Variants in GRID1 observed in about 807,000 individuals in gnomAD.
The protein encoded by GRID1 is glutamate ionotropic receptor delta type subunit 1.
GRID1 carries 28 observed loss-of-function variants against 98.0 expected under a neutral mutation model. The ratio of observed to expected loss-of-function variants is 0.29; its 90% CI spans 0.21 to 0.39. The LOEUF is 0.39. Ranked by LOEUF, GRID1 falls within the 10% of genes least tolerant of loss-of-function variation. The pLI, the probability that GRID1 is intolerant of heterozygous loss-of-function variation, is 1.00. For missense variants in GRID1, 1,111 were observed against 1,340.5 expected (o/e 0.83, Z 2.67); for synonymous variants, 553 against 538.5 (o/e 1.03, Z -0.37).
At chr10:86,106,095 C>T (rs920013983) in intron 4 of GRID1, among the ~76,000 whole-genome samples, 1 of 152,140 alleles carries the variant, frequency 6.6e-6, no homozygotes, top group African/African-American at 2.4e-5. Flanking sequence ...TGAGAGCTCC[C>T]CAAGTGTCTG....
chr10:85,716,807 G>A (rs73328632), intron 12 of GRID1, among the ~76,000 whole-genome samples: 4,153 of 151,056 alleles, frequency 0.027, 167 homozygotes, highest in African/African-American at 0.095. Flanking sequence ...ATTATGTTAC[G>A]TTAACTCAAA....
chr10:85,668,027 A>C (rs1221199464), intron 12 of GRID1, among the ~76,000 whole-genome samples: 1 of 152,204 alleles, frequency 6.6e-6, no homozygotes, highest in African/African-American at 2.4e-5. Context: ...CCTTTGTCAG[A>C]GGAAAATCCC....
intron 8 of GRID1, among the ~76,000 whole-genome samples, chr10:85,842,633 T>C (rs943378805): frequency 5.3e-5 from 8 of 152,054 alleles, no homozygotes; most frequent in Non-Finnish European, 1.0e-4. Context: ...ATTACACTCA[T>C]AAATTTGACA....
chr10:86,361,623 T>C (rs1848601880), intron 2 of GRID1, among the ~76,000 whole-genome samples: 1 of 152,222 alleles, frequency 6.6e-6, no homozygotes, highest in Non-Finnish European at 1.5e-5. Context: ...CAAAGTTGCT[T>C]TGGGGCGCTT....
At chr10:86,043,538 G>A (rs981375337) in intron 4 of GRID1, among the ~76,000 whole-genome samples, 1 of 152,186 alleles carries the variant, frequency 6.6e-6, no homozygotes, top group Non-Finnish European at 1.5e-5. Context: ...TGGCAGGCTG[G>A]GGCCTGGAGG....
intron 12 of GRID1, among the ~76,000 whole-genome samples, chr10:85,688,524 T>C (rs528005079): frequency 2.6e-5 from 4 of 152,190 alleles, no homozygotes; most frequent in African/African-American, 7.2e-5. Flanking sequence ...TAGAAATGGA[T>C]AGATTTAAAC....
Position 86,042,499 on chromosome 10 carries a change from C to T in GRID1, c.726+96320G>A, listed in dbSNP as rs1017627889. Among the ~76,000 whole-genome samples the T allele has an allele frequency of 3.9e-5, 6 of 152,176 alleles. No individual in the cohort carries two copies. The East Asian group carries it at 1.2e-3, about 29-fold the overall frequency. On this transcript the variant is annotated intron_variant, in intron 4 of 15. Transcript: ENST00000327946. ...CCCAGGACCAAGGGGAGAGCAGGGG[C>T]TCTGTGGGCATCAACTGGAAGCTCA... is the stretch of plus-strand genomic sequence containing the variant.
At chr10:86,281,420 CA>C (rs1000070662) in intron 2 of GRID1, among the ~76,000 whole-genome samples, 4 of 152,158 alleles carry the variant, frequency 2.6e-5, no homozygotes, top group African/African-American at 9.7e-5. Context: ...AATTTCTCAC[CA>C]GAGCTGTCCT....
At chr10:85,791,384 A>T (rs1842478377) in intron 8 of GRID1, among the ~76,000 whole-genome samples, 1 of 152,196 alleles carries the variant, frequency 6.6e-6, no homozygotes, top group African/African-American at 2.4e-5. Flanking sequence ...TCCATTTTGA[A>T]TCCTGAAAAT....
At chr10:86,187,270 C>T (rs1253793616) in intron 3 of GRID1, among the ~76,000 whole-genome samples, 1 of 152,180 alleles carries the variant, frequency 6.6e-6, no homozygotes, top group Non-Finnish European at 1.5e-5. Context: ...CTGATAAGCA[C>T]TTTCTATGAG....
intron 3 of GRID1, among the ~76,000 whole-genome samples, chr10:86,160,368 A>G (rs567132175): frequency 1.3e-5 from 2 of 152,278 alleles, no homozygotes; most frequent in Admixed American, 1.3e-4. Context: ...CCCAGCTGCC[A>G]TGCCTCCTGC....
At chr10:85,746,563 C>G (rs1160260946) in intron 8 of GRID1, among the ~76,000 whole-genome samples, 1 of 152,126 alleles carries the variant, frequency 6.6e-6, no homozygotes, top group Non-Finnish European at 1.5e-5. Context: ...CCACTTATGA[C>G]CGTTGCACTG....
At position 85,968,591 on chromosome 10, in the gene GRID1, GT is replaced by G. The variant is rs1249064226; in HGVS notation, c.727-52353del. ...GAGGAAACAGCTACACTAAAGCAAA[GT>G]TTTTGCATAACATTTAAAATTATCT... On this transcript the variant is annotated intron_variant, in intron 4 of 15. Coordinates refer to ENST00000327946, the MANE Select transcript of GRID1 (RefSeq NM_017551.3). 2.6e-5 allele frequency among the ~76,000 whole-genome samples: 4 copies of G among 151,830 alleles called. No homozygotes were observed. The East Asian group carries it at 7.7e-4, about 29-fold the overall frequency.
In GRID1 at chr10:85,613,515, G is replaced by A. The variant is rs1419112915; in HGVS notation, c.2493C>T (p.Phe831=). ...TGGCCAGGATGCAGAAGACCCCGGC[G>A]AAGCTGTGCAGCTTGAGGGATTTGC... ...ADGKSLKLHS[F]AGVFCILAIG... Residue 831 remains phenylalanine, a synonymous_variant, in exon 15 of 16, where the codon TTC becomes TTT. Coordinates refer to ENST00000327946, the MANE Select transcript of GRID1 (RefSeq NM_017551.3). 6 of 1,614,204 alleles carry A rather than the reference G, an allele frequency of 3.7e-6. No individual in the cohort carries two copies. Among genetic ancestry groups the A allele is most frequent in the African/African-American group, 1.3e-5 (1 of 75,080 alleles).
At chr10:86,048,593 C>T (rs1465430863) in intron 4 of GRID1, among the ~76,000 whole-genome samples, 1 of 152,176 alleles carries the variant, frequency 6.6e-6, no homozygotes, top group Non-Finnish European at 1.5e-5. Context: ...GCACATGAGG[C>T]TCATGGCAAC....
intron 6 of GRID1, among the ~76,000 whole-genome samples, chr10:85,865,339 C>T (rs534386425): frequency 6.6e-6 from 1 of 152,174 alleles, no homozygotes; most frequent in African/African-American, 2.4e-5. Flanking sequence ...TATAATAGTT[C>T]TTGGTTGGCT....
intron 3 of GRID1, among the ~76,000 whole-genome samples, chr10:86,180,531 G>T (rs562162048): frequency 5.6e-4 from 85 of 152,206 alleles, no homozygotes; most frequent in Non-Finnish European, 9.1e-4. Context: ...AAGGACCAAG[G>T]TTGCCAGCTC....
intron 4 of GRID1, among the ~76,000 whole-genome samples, chr10:85,963,545 G>A (rs775485346): frequency 1.3e-5 from 2 of 152,126 alleles, no homozygotes; most frequent in Non-Finnish European, 2.9e-5. Context: ...CCTGACACCA[G>A]GCCCCTGATG....
intron 2 of GRID1, among the ~76,000 whole-genome samples, chr10:86,265,551 G>A (rs1168110377): frequency 6.6e-6 from 1 of 152,226 alleles, no homozygotes; most frequent in Admixed American, 6.5e-5. Flanking sequence ...CTTACCACCA[G>A]CCCTGCCACG....
Sources: allele counts gnomAD v4.1 joint callset (sites outside exome capture counted in the v4.1 genomes callset), GRCh38; gene constraint gnomAD v4.1.1; transcripts MANE v1.5; gene names NCBI Gene and HGNC (gene_info 2026-07-23, HGNC 2026-07-21).